AFG2A: variants seen among roughly 807,000 people sequenced by gnomAD.
AFG2A encodes the protein ATPase family gene 2 protein homolog A.
the AFG2A span, among the ~76,000 whole-genome samples, chr4:123,022,124 T>G: frequency 2.0e-5 from 3 of 151,988 alleles, no homozygotes; most frequent in Non-Finnish European, 1.5e-5. Context: ...GACATAGGCA[T>G]GGGTAAGGAC....
chr4:123,235,827 T>C, the AFG2A span, among the ~76,000 whole-genome samples: 4 of 152,324 alleles, frequency 2.6e-5, no homozygotes, highest in East Asian at 5.8e-4. Context: ...CTAATAGATT[T>C]TAAACTTTTT....
chr4:123,216,124 C>CA, the AFG2A span, among the ~76,000 whole-genome samples: 3 of 151,764 alleles, frequency 2.0e-5, no homozygotes, highest in African/African-American at 7.3e-5. Flanking sequence ...TATCTCAAGA[C>CA]AAAAAAAGAA....
the AFG2A span, among the ~76,000 whole-genome samples, chr4:123,071,822 A>G: frequency 6.6e-6 from 1 of 152,212 alleles, no homozygotes; most frequent in Non-Finnish European, 1.5e-5. Context: ...GATAAGCTAG[A>G]TTACTCAAGA....
the AFG2A span, among the ~76,000 whole-genome samples, chr4:123,150,402 A>T: frequency 6.6e-6 from 1 of 152,344 alleles, no homozygotes; most frequent in East Asian, 1.9e-4. Context: ...AAAACTCCTT[A>T]AGCTGATAAG....
At chr4:123,017,467 C>T in the AFG2A span, among the ~76,000 whole-genome samples, 418 of 71,658 alleles carry the variant, frequency 5.8e-3, 2 homozygotes, top group African/African-American at 0.024. Context: ...CTATATACAG[C>T]TAATGGCTTT....
the AFG2A span, among the ~76,000 whole-genome samples, chr4:123,093,180 G>T: frequency 3.3e-5 from 5 of 152,162 alleles, no homozygotes; most frequent in African/African-American, 1.2e-4. Context: ...CTTGCTGGGG[G>T]TGTTAGACAG....
the AFG2A span, among the ~76,000 whole-genome samples, chr4:123,072,955 G>C: frequency 6.6e-6 from 1 of 152,082 alleles, no homozygotes; most frequent in South Asian, 2.1e-4. Context: ...AAAATTGTGT[G>C]TACAATGTGA....
the AFG2A span, among the ~76,000 whole-genome samples, chr4:123,177,756 C>T: frequency 5.3e-5 from 8 of 152,226 alleles, no homozygotes; most frequent in East Asian, 1.5e-3. Context: ...CTCTGTCTCC[C>T]GGGGTCCTCA....
chr4:122,989,915 T>C, the AFG2A span, among the ~76,000 whole-genome samples: 8 of 152,182 alleles, frequency 5.3e-5, no homozygotes, highest in Admixed American at 3.3e-4. Context: ...TAGAGTGCAG[T>C]GGTGCGACAC....
At chr4:123,028,937 T>A in the AFG2A span, among the ~76,000 whole-genome samples, 1 of 152,248 alleles carries the variant, frequency 6.6e-6, no homozygotes, top group Non-Finnish European at 1.5e-5. Context: ...GATATGTAGT[T>A]GTACACTTAC....
chr4:123,089,896 T>G, the AFG2A span, among the ~76,000 whole-genome samples: 1 of 152,158 alleles, frequency 6.6e-6, no homozygotes, highest in Non-Finnish European at 1.5e-5. Flanking sequence ...GTTTATTTCT[T>G]AAAAACTTAT....
At chr4:123,012,680 A>C in the AFG2A span, among the ~76,000 whole-genome samples, 2 of 152,204 alleles carry the variant, frequency 1.3e-5, no homozygotes, top group East Asian at 3.8e-4. Flanking sequence ...TGTCTCTACC[A>C]GAAAAGGAAA....
the AFG2A span, among the ~76,000 whole-genome samples, chr4:122,960,896 A>AT: frequency 6.6e-6 from 1 of 152,030 alleles, no homozygotes; most frequent in Non-Finnish European, 1.5e-5. Context: ...ATTTTTTACT[A>AT]TTTTTTCAAT....
the AFG2A span, among the ~76,000 whole-genome samples, chr4:123,086,328 A>G: frequency 6.6e-6 from 1 of 152,108 alleles, no homozygotes; most frequent in Non-Finnish European, 1.5e-5. Context: ...TTTTCTCTCA[A>G]TAGTTTAAAT....
At chr4:123,058,919 C>G in the AFG2A span, among the ~76,000 whole-genome samples, 1 of 152,152 alleles carries the variant, frequency 6.6e-6, no homozygotes, top group Non-Finnish European at 1.5e-5. Flanking sequence ...CAAAAGTCCA[C>G]AGACCAAAGT....
the AFG2A span, among the ~76,000 whole-genome samples, chr4:123,028,906 C>G: frequency 6.6e-6 from 1 of 152,194 alleles, no homozygotes; most frequent in Non-Finnish European, 1.5e-5. Context: ...CCCCGATTAA[C>G]TGGGATAGAT....
chr4:123,264,539 A>C, the AFG2A span, among the ~76,000 whole-genome samples: 1 of 152,164 alleles, frequency 6.6e-6, no homozygotes, highest in Non-Finnish European at 1.5e-5. Flanking sequence ...GCACCTGTTT[A>C]GTGGCTAAAA....
At chr4:123,249,136 A>G in the AFG2A span, among the ~76,000 whole-genome samples, 1 of 152,172 alleles carries the variant, frequency 6.6e-6, no homozygotes, top group Non-Finnish European at 1.5e-5. Flanking sequence ...AAATTCATTT[A>G]TGTACTTGGA....
At chr4:123,196,287 G>A in the AFG2A span, among the ~76,000 whole-genome samples, 3 of 149,664 alleles carry the variant, frequency 2.0e-5, no homozygotes, top group East Asian at 5.9e-4. Flanking sequence ...GGGATTACAG[G>A]TGTGAGCCAC....
Sources: allele counts gnomAD v4.1 joint callset (sites outside exome capture counted in the v4.1 genomes callset), GRCh38; gene constraint gnomAD v4.1.1; transcripts MANE v1.5; gene names NCBI Gene and HGNC (gene_info 2026-07-23, HGNC 2026-07-21).